The following GRIA4 variants were observed in gnomAD, a reference collection of about 807,000 sequenced individuals.
The protein encoded by GRIA4 is glutamate ionotropic receptor AMPA type subunit 4.
A neutral mutation model predicts 104.0 loss-of-function variants in GRIA4; 34 were observed. The observed-to-expected ratio is 0.33, with a 90% confidence interval of 0.25 to 0.44. The LOEUF is 0.44. Among genes scored for constraint, GRIA4 ranks in the 20% least tolerant of loss-of-function variants. The pLI is 1.00. For missense variants in GRIA4, 750 were observed against 1,096.5 expected (o/e 0.68, Z 4.46); for synonymous variants, 386 against 381.9 (o/e 1.01, Z -0.13).
chr11:105,781,820 C>T (rs2135775226), intron 4 of GRIA4, among the ~76,000 whole-genome samples: 1 of 152,258 alleles, frequency 6.6e-6, no homozygotes, highest in East Asian at 1.9e-4. Context: ...ATTAAAAAGA[C>T]ACCCTACCAC....
intron 4 of GRIA4, among the ~76,000 whole-genome samples, chr11:105,773,756 C>T (rs879514952): frequency 5.3e-5 from 8 of 151,844 alleles, no homozygotes; most frequent in Non-Finnish European, 1.0e-4. Context: ...AAACAGGGTA[C>T]ATTTCCACCT....
chr11:105,863,860 G>T (rs1945314518), intron 5 of GRIA4, among the ~76,000 whole-genome samples: 1 of 152,184 alleles, frequency 6.6e-6, no homozygotes. Context: ...CAGAGGCTTA[G>T]CTGGTTTCTA....
intron 3 of GRIA4, among the ~76,000 whole-genome samples, chr11:105,656,090 T>A (rs1430246950): frequency 6.6e-6 from 1 of 152,232 alleles, no homozygotes; most frequent in African/African-American, 2.4e-5. Context: ...CCAGTGATGA[T>A]GAGCTTCTCT....
chr11:105,761,820 G>A (rs1367777188), intron 4 of GRIA4, among the ~76,000 whole-genome samples: 14 of 151,932 alleles, frequency 9.2e-5, no homozygotes, highest in African/African-American at 3.4e-4. Flanking sequence ...TTTGCCCATC[G>A]GCAATAGTTT....
At chr11:105,730,157 A>C (rs1030179266) in intron 3 of GRIA4, among the ~76,000 whole-genome samples, 1 of 152,218 alleles carries the variant, frequency 6.6e-6, no homozygotes, top group Admixed American at 6.5e-5. Context: ...AAATCTCCTT[A>C]AGCTGATAAG....
At chr11:105,896,541 G>C (rs989510310) in intron 6 of GRIA4, among the ~76,000 whole-genome samples, 7 of 151,970 alleles carry the variant, frequency 4.6e-5, no homozygotes, top group Admixed American at 2.0e-4. Context: ...TTTCTAGTAG[G>C]ATTTTTGTAT....
chr11:105,734,069 T>C (rs1016249333), intron 3 of GRIA4, among the ~76,000 whole-genome samples: 1 of 147,514 alleles, frequency 6.8e-6, no homozygotes, highest in Non-Finnish European at 1.5e-5. Flanking sequence ...TTATATATAA[T>C]ATATATATTT....
Position 105,924,698 on chromosome 11 carries a change from G to A in GRIA4, c.1776G>A (p.Glu592=), listed in dbSNP as rs1394957555. 1.2e-6 allele frequency: 2 copies of A among 1,612,700 alleles called. No homozygotes were observed. The highest frequency in any genetic ancestry group is 2.2e-5 in the East Asian group (1 of 44,848). ...KEGPSDQPPN[E]FGIFNSLWFS... ...GACCCAGCGACCAGCCTCCCAATGA[G>A]TTTGGCATCTTTAACAGCCTCTGGT... Residue 592 remains glutamate (E), a synonymous_variant, in exon 12 of 17, where the codon GAG becomes GAA. Transcript: ENST00000282499.
intron 13 of GRIA4, among the ~76,000 whole-genome samples, chr11:105,930,305 A>T (rs1947836266): frequency 6.6e-6 from 1 of 152,028 alleles, no homozygotes; most frequent in Admixed American, 6.6e-5. Context: ...TCAGAATCAG[A>T]TTTTCTAAAG....
intron 4 of GRIA4, among the ~76,000 whole-genome samples, chr11:105,778,703 T>TCAAAA (rs1377253136): frequency 6.6e-6 from 1 of 152,088 alleles, no homozygotes; most frequent in Non-Finnish European, 1.5e-5. Context: ...AGACTACATC[T>TCAAAA]CAAAACAAAA....
At chr11:105,781,493 T>G (rs1941725013) in intron 4 of GRIA4, among the ~76,000 whole-genome samples, 1 of 152,212 alleles carries the variant, frequency 6.6e-6, no homozygotes, top group South Asian at 2.1e-4. Flanking sequence ...ATAAGTAAAT[T>G]GCATACCTAT....
intron 3 of GRIA4, among the ~76,000 whole-genome samples, chr11:105,752,660 T>C (rs1361789262): frequency 6.6e-6 from 1 of 152,190 alleles, no homozygotes; most frequent in Non-Finnish European, 1.5e-5. Context: ...TAAAGTTCTC[T>C]AGCATAGGAT....
At chr11:105,946,623 T>A (rs1017300071) in intron 14 of GRIA4, among the ~76,000 whole-genome samples, 17 of 152,078 alleles carry the variant, frequency 1.1e-4, no homozygotes, top group Admixed American at 6.6e-4. Context: ...AAAATAAATT[T>A]AAAAATCTAA....
intron 3 of GRIA4, among the ~76,000 whole-genome samples, chr11:105,726,492 G>A (rs1201590106): frequency 1.3e-5 from 2 of 152,168 alleles, no homozygotes; most frequent in Admixed American, 6.5e-5. Flanking sequence ...GTTCCCACCT[G>A]CCAGCTCTGA....
rs902593761 is a variant in GRIA4 at position 105,730,144 on chromosome 11, C to A, written c.248-22837C>A. Among the ~76,000 whole-genome samples, 25 of 152,096 alleles carry A rather than the reference C, an allele frequency of 1.6e-4. 1 individual carries two copies. Among genetic ancestry groups the A allele is most frequent in the African/African-American group, 4.6e-4 (19 of 41,400 alleles). ...ATTTAGAAAACCCCATCGTCTCAGC[C>A]CAAAATCTCCTTAAGCTGATAAGCA... On this transcript the variant is annotated intron_variant, in intron 3 of 16. Transcript: ENST00000282499.
intron 12 of GRIA4, among the ~76,000 whole-genome samples, chr11:105,925,455 A>G (rs2136196361): frequency 6.6e-6 from 1 of 152,252 alleles, no homozygotes; most frequent in East Asian, 1.9e-4. Flanking sequence ...TACTTTTCTC[A>G]TAGAGAAAGT....
chr11:105,824,461 C>A (rs995551951), intron 4 of GRIA4, among the ~76,000 whole-genome samples: 2 of 152,100 alleles, frequency 1.3e-5, no homozygotes, highest in South Asian at 2.1e-4. Flanking sequence ...CCCACCTACA[C>A]GTGTTGCTTC....
At chr11:105,629,475 G>T (rs1591466094) in intron 3 of GRIA4, among the ~76,000 whole-genome samples, 1 of 152,066 alleles carries the variant, frequency 6.6e-6, no homozygotes, top group Admixed American at 6.5e-5. Flanking sequence ...GAGGGAAAAA[G>T]ATAGGTTCTC....
chr11:105,773,205 A>C (rs1182929372), intron 4 of GRIA4, among the ~76,000 whole-genome samples: 1 of 152,118 alleles, frequency 6.6e-6, no homozygotes, highest in African/African-American at 2.4e-5. Flanking sequence ...TCACCTTCTT[A>C]CAAGTACAAG....
Sources: gnomAD v4.1 joint callset for allele counts (sites outside exome capture counted in the v4.1 genomes callset) on GRCh38, gnomAD v4.1.1 for gene constraint, MANE v1.5 for transcripts, NCBI Gene and HGNC (gene_info 2026-07-23, HGNC 2026-07-21) for gene names.